Variants in TOGARAM2 observed in about 807,000 individuals in gnomAD.
TOGARAM2 encodes TOG array regulator of axonemal microtubules protein 2.
In TOGARAM2, 85 loss-of-function variants were observed where a neutral mutation model predicts 93.3. The ratio of observed to expected loss-of-function variants is 0.91; its 90% CI spans 0.76 to 1.09. TOGARAM2 has a LOEUF of 1.09. Ranked by LOEUF, TOGARAM2 falls within the 50% of genes least tolerant of loss-of-function variation. The pLI, the probability that TOGARAM2 is intolerant of heterozygous loss-of-function variation, is 0.00. For synonymous variants in TOGARAM2, 593 were observed against 552.8 expected (o/e 1.07, Z -1.02); for missense variants, 1,277 against 1,334.5 (o/e 0.96, Z 0.67).
intron 18 of TOGARAM2, among the ~76,000 whole-genome samples, chr2:29,037,385 G>C (rs1572773272): frequency 6.6e-6 from 1 of 152,172 alleles, no homozygotes; most frequent in Non-Finnish European, 1.5e-5. Context: ...TAGACTTATG[G>C]CCAGCCCAGT....
In TOGARAM2 at chr2:29,006,341, T is replaced by C. The variant is rs574313268; in HGVS notation, c.830+2659T>C. Reference sequence around the variant, plus strand: ...TGTGGAGTGTGTGCATGTGTGTGTATGTGTGTATGTGTGAGTGCATGTGTG... The same window carrying C: ...TGTGGAGTGTGTGCATGTGTGTGTACGTGTGTATGTGTGAGTGCATGTGTG... On this transcript the variant is annotated intron_variant, in intron 6 of 19. Transcript: ENST00000379558. Among the ~76,000 whole-genome samples, 17 of 140,952 alleles carry C rather than the reference T, an allele frequency of 1.2e-4. No homozygotes were observed. The East Asian group carries it at 3.0e-3, about 24-fold the overall frequency. 92.5% of individuals were successfully genotyped at this position (140,952 alleles called of 152,430 possible).
chr2:29,003,412 A>C (rs1673422049), intron 5 of TOGARAM2, 80 bp from the exon 6 acceptor site: 1 of 1,239,692 alleles, frequency 8.1e-7, no homozygotes, highest in African/African-American at 1.6e-5. Context: ...CAGGTCCCAC[A>C]CTGTGTGAGG....
At chr2:28,983,625 C>T (rs533413940) in intron 1 of TOGARAM2, among the ~76,000 whole-genome samples, 9 of 152,258 alleles carry the variant, frequency 5.9e-5, no homozygotes, top group African/African-American at 2.2e-4. Context: ...CACTCTCGAG[C>T]TCCTTTCCTG....
intron 1 of TOGARAM2, among the ~76,000 whole-genome samples, chr2:28,961,428 G>A (rs1282043348): frequency 3.9e-5 from 6 of 151,910 alleles, no homozygotes; most frequent in African/African-American, 9.7e-5. Flanking sequence ...AGCAACCTCC[G>A]CCTCCTAGAT....
At chr2:28,990,994 GTGT>G (rs1558406442) in intron 1 of TOGARAM2, among the ~76,000 whole-genome samples, 592 of 16,624 alleles carry the variant, frequency 0.036, 8 homozygotes, top group African/African-American at 0.083. Context: ...TGTGAAGGGT[GTGT>G]GTGTGTGTGT....
chr2:29,035,050 C>T (rs1404070692), intron 16 of TOGARAM2, among the ~76,000 whole-genome samples: 3 of 150,366 alleles, frequency 2.0e-5, no homozygotes, highest in Non-Finnish European at 3.0e-5. Context: ...CTTGGGAGGC[C>T]GAGGCAGGAG....
In TOGARAM2 at chr2:28,957,549, G is replaced by A. The variant is rs79013703; in HGVS notation, c.-147+852G>A. Among the ~76,000 whole-genome samples, 815 of 152,308 alleles carry A rather than the reference G, an allele frequency of 5.4e-3. 6 individuals carry two copies. Among genetic ancestry groups the A allele is most frequent in the African/African-American group, 0.019 (778 of 41,562 alleles). The stretch of plus-strand genomic sequence containing the variant: ...CTTTCTCACATGATAGTAATACAAT[G>A]ATGATGATTTTTTAAAATTGGGAAA... On this transcript the variant is annotated intron_variant, in intron 1 of 6. Coordinates refer to the TOGARAM2 transcript ENST00000401723.
At chr2:29,022,412 C>CATGGAGCATGGAGCATGG in intron 11 of TOGARAM2, 104 bp downstream of exon 11, 1 of 1,492,270 alleles carries the variant, frequency 6.7e-7, no homozygotes, top group South Asian at 1.3e-5. Flanking sequence ...TCTGGGGTTC[C>CATGGAGCATGGAGCATGG]AGCACCATGG....
At chr2:29,029,843 G>T (rs1275090234) in intron 14 of TOGARAM2, among the ~76,000 whole-genome samples, 1 of 151,956 alleles carries the variant, frequency 6.6e-6, no homozygotes, top group African/African-American at 2.4e-5. Context: ...TGCAAATAGG[G>T]TTCAATGTAT....
chr2:29,030,791 A>G (rs1451423032), intron 14 of TOGARAM2, among the ~76,000 whole-genome samples: 1 of 152,156 alleles, frequency 6.6e-6, no homozygotes, highest in Non-Finnish European at 1.5e-5. Context: ...AGCCACCAGC[A>G]AAGTTGGAGG....
chr2:29,007,656 T>G (rs2148312198), intron 6 of TOGARAM2, among the ~76,000 whole-genome samples: 1 of 152,236 alleles, frequency 6.6e-6, no homozygotes, highest in East Asian at 1.9e-4. Flanking sequence ...GCAGGCCCTT[T>G]GCCTGTATTG....
At chr2:29,016,135 C>G (rs531228478) in intron 8 of TOGARAM2, among the ~76,000 whole-genome samples, 1 of 152,312 alleles carries the variant, frequency 6.6e-6, no homozygotes, top group South Asian at 2.1e-4. Context: ...GGGGCCCACT[C>G]AACTCCAGCC....
At chr2:28,973,447 C>CTCCT (rs1367994580) in intron 1 of TOGARAM2, among the ~76,000 whole-genome samples, 24 of 127,836 alleles carry the variant, frequency 1.9e-4, no homozygotes, top group African/African-American at 6.4e-4. Context: ...CTTCCCCTTC[C>CTCCT]TTCCTTCCTT....
At chr2:28,965,075 A>G (rs538035665) in intron 1 of TOGARAM2, among the ~76,000 whole-genome samples, 2 of 152,326 alleles carry the variant, frequency 1.3e-5, no homozygotes, top group South Asian at 4.1e-4. Context: ...ACCCTCTTCC[A>G]CAATGGTTGA....
At chr2:28,988,070 G>A (rs1672548612) in intron 1 of TOGARAM2, among the ~76,000 whole-genome samples, 1 of 152,226 alleles carries the variant, frequency 6.6e-6, no homozygotes, top group South Asian at 2.1e-4. Context: ...ACATGCAGGT[G>A]GAGCCATCCA....
intron 1 of TOGARAM2, among the ~76,000 whole-genome samples, chr2:28,987,222 C>CA (rs1011911624): frequency 1.2e-4 from 18 of 152,234 alleles, no homozygotes; most frequent in African/African-American, 4.3e-4. Flanking sequence ...GGGCGCAAAG[C>CA]AAAATGGAAC....
chr2:29,006,312 T>G (rs534266426), intron 6 of TOGARAM2, among the ~76,000 whole-genome samples: 1 of 148,434 alleles, frequency 6.7e-6, no homozygotes, highest in East Asian at 2.0e-4. Context: ...TGTGAGTGCC[T>G]GTGTGTGGAG....
chr2:29,017,370 C>A, intron 9 of TOGARAM2, 66 bp downstream of exon 9: 1 of 1,375,836 alleles, frequency 7.3e-7, no homozygotes, highest in Non-Finnish European at 9.5e-7. Flanking sequence ...TCATAGCCTG[C>A]TGATGGGCCC....
intron 19 of TOGARAM2, 168 bp downstream of exon 19, chr2:29,045,578 A>G: frequency 1.6e-6 from 1 of 644,776 alleles, no homozygotes. Context: ...CCATATTGCC[A>G]GAAGACAATC....
Sources: gnomAD v4.1 joint callset for allele counts (sites outside exome capture counted in the v4.1 genomes callset) on GRCh38, gnomAD v4.1.1 for gene constraint, MANE v1.5 for transcripts, NCBI Gene and HGNC (gene_info 2026-07-23, HGNC 2026-07-21) for gene names.